The following RRP9 variants were observed in gnomAD, a reference collection of about 807,000 sequenced individuals.
RRP9 encodes the protein ribosomal RNA processing 9, U3 small nucleolar RNA binding protein, also known as U3 small nucleolar RNA-interacting protein 2.
In RRP9, 35 loss-of-function variants were observed where a neutral mutation model predicts 65.5. The observed-to-expected ratio is 0.53, with a 90% CI of 0.41 to 0.71. RRP9 has a LOEUF of 0.71. RRP9 is among the 30% of genes least tolerant of loss of function. The pLI is 0.00. For synonymous variants in RRP9, 254 were observed against 245.0 expected (o/e 1.04, Z -0.34); for missense variants, 533 against 633.6 (o/e 0.84, Z 1.70).
At chr3:51,935,506 G>A (rs1416372148) in intron 9 of RRP9, 30 bp from the exon 10 acceptor site, 5 of 1,613,990 alleles carry the variant, frequency 3.1e-6, no homozygotes, top group Non-Finnish European at 4.2e-6. Context: ...AGGATAGTGG[G>A]GATAGGGGTA....
rs1288640186 is a variant in RRP9 at position 51,935,472 on chromosome 3, C to T, written c.841G>A (p.Gly281Arg). ...AGTGCAGCCACAGCGTCCTGGTGTC[C>T]GAAGCTAGAGGGCCGGGCAGAGCAG... The part of the protein sequence containing the change: ...AENSYVETLF[G>R]HQDAVAALDA... The change falls in exon 10 of 15, where the codon GGA becomes AGA. Residue 281 changes from glycine to arginine, a missense_variant. Around this residue, in one of 3 missense-constraint regions of RRP9, gnomAD observed 449 missense variants for 550.6 expected, o/e 0.82. Coordinates refer to ENST00000232888, the MANE Select transcript of RRP9 (RefSeq NM_004704.5). 6 of 1,614,036 alleles carry T rather than the reference C, an allele frequency of 3.7e-6. No individual in the cohort carries two copies. The highest frequency in any genetic ancestry group is 4.5e-5 in the East Asian group (2 of 44,860).
rs201047033 is a variant in RRP9, at chr3:51,937,310, G to C, written c.399C>G (p.Ala133=). The part of the protein sequence containing the change: ...LQKLVAKEIQ[A]PASADIRVLR... ...AAACGCGAATGTCAGCTGAGGCTGG[G>C]GCCTGGATCTGGGCAGACAGGGGCC... The change falls in exon 6 of 15, where the codon GCC becomes GCG. Residue 133 remains alanine, a synonymous_variant. Coordinates refer to ENST00000232888, the MANE Select transcript of RRP9 (RefSeq NM_004704.5). This position sits in a 1 kb window ranked among gnomAD's most constrained non-coding sequence, Gnocchi z 5.0. 6 of 1,614,118 alleles carry C rather than the reference G, an allele frequency of 3.7e-6. No homozygotes were observed. The East Asian group carries it at 8.9e-5, about 24-fold the overall frequency.
At chr3:51,940,233 GCAA>G (rs1470392513) in intron 2 of RRP9, among the ~76,000 whole-genome samples, 2 of 151,960 alleles carry the variant, frequency 1.3e-5, no homozygotes, top group African/African-American at 4.8e-5. Context: ...TCCAGCCTGG[GCAA>G]CAGAGTGAGA....
chr3:51,935,740 C>T lies in RRP9; in HGVS notation c.736-48G>A, dbSNP rs371501103. 7.0e-5 allele frequency: 105 copies of T among 1,503,864 alleles called. No homozygotes were observed. The Middle Eastern group carries it at 8.5e-4, about 12-fold the overall frequency. 93.2% of individuals were successfully genotyped at this position (1,503,864 alleles called of 1,614,324 possible). On this transcript the variant is annotated intron_variant, in intron 8 of 14. Transcript: ENST00000232888. ...CAAAGGGGACCTGGACTACAGCAGGCGAGAGACAGGTCAGGCCCAGGGAGG... is the reference window on the plus strand; with the variant it reads ...CAAAGGGGACCTGGACTACAGCAGGTGAGAGACAGGTCAGGCCCAGGGAGG...
In RRP9 at chr3:51,934,632, T is replaced by C; in HGVS notation, c.1179A>G (p.Thr393=). 2.5e-6 allele frequency: 4 copies of C among 1,614,038 alleles called. No homozygotes were observed. The highest frequency in any genetic ancestry group is 3.4e-6 in the Non-Finnish European group (4 of 1,179,988). Residue 393 remains threonine (T), a splice_region_variant and synonymous_variant, in exon 12 of 15, where the codon ACA becomes ACG. Coordinates refer to ENST00000232888, the MANE Select transcript of RRP9 (RefSeq NM_004704.5). The surrounding 1 kb of genome is among the most constrained non-coding windows in gnomAD (Gnocchi z 4.1). ...CTCCCTGCCTCTCAGGGCACCCACC[T>C]GTGGCCACAAGGTCTGTGTTGAGGA... is the stretch of plus-strand genomic sequence containing the variant. ...AALLNTDLVA[T]GSHSSCVRLW...
Position 51,935,781 on chromosome 3 carries a change from A to C in RRP9, c.736-89T>G. ...CCCAGGGAGGACTTCCCAAAAAGCA[A>C]GCCATGTGGCACGTGCTGTGAGGCA... On this transcript the variant is annotated intron_variant, in intron 8 of 14. Transcript: ENST00000232888. The C allele has an allele frequency of 2.7e-6, 3 of 1,106,986 alleles. No homozygotes were observed. In the South Asian group the frequency reaches 3.8e-5, roughly 14 times the overall value. The allele number at this position is 1,106,986 out of a possible 1,614,324, so 68.6% of individuals were successfully genotyped here. A position where few individuals can be genotyped will look rare whatever the true frequency, so the allele number is the denominator to read the frequency against.
chr3:51,933,566 C>A lies in RRP9; in HGVS notation c.1368G>T (p.Arg456=). The A allele has an allele frequency of 6.2e-7, 1 of 1,614,094 alleles. No individual in the cohort carries two copies. Among genetic ancestry groups the A allele is most frequent in the East Asian group, 2.2e-5 (1 of 44,874 alleles). The change falls in exon 15 of 15, where the codon CGG becomes CGT. Residue 456 remains arginine (R), a synonymous_variant. Coordinates refer to ENST00000232888, the MANE Select transcript of RRP9 (RefSeq NM_004704.5). The part of the protein sequence containing the change: ...LGRWWRIKEA[R]NSVCIIPLRR... ...GGAGTGGGATGATGCAGACAGAATT[C>A]CGAGCCTCTTTGATTCTCCACCATC...
At position 51,937,960 on chromosome 3, in the gene RRP9, C is replaced by A; in HGVS notation, c.280+135G>T. On this transcript the variant is annotated intron_variant, in intron 3 of 14. Coordinates refer to ENST00000232888, the MANE Select transcript of RRP9 (RefSeq NM_004704.5). The surrounding 1 kb of genome is among the most constrained non-coding windows in gnomAD (Gnocchi z 5.0). ...AGAGCTTCTGGCCACCCCCACAGGG[C>A]AGCCAGCACTGACAGCCTGGGCACC... 1.1e-6 allele frequency: 1 copy of A among 938,652 alleles called. No individual in the cohort carries two copies. The highest frequency in any genetic ancestry group is 1.6e-6 in the Non-Finnish European group (1 of 623,058). The allele number at this position is 938,652 out of a possible 1,614,324, so 58.1% of individuals were successfully genotyped here.
Position 51,937,340 on chromosome 3 carries a change from C to A in RRP9, c.391-22G>T. The A allele has an allele frequency of 6.2e-7, 1 of 1,613,808 alleles. No individual in the cohort carries two copies. The highest frequency in any genetic ancestry group is 1.1e-5 in the South Asian group (1 of 90,978). ...GGATCTGGGCAGACAGGGGCCAGGT[C>A]ACTGTGGCTAGTGGCATAAAGGCAC... On this transcript the variant is annotated intron_variant, in intron 5 of 14. Transcript: ENST00000232888. The surrounding 1 kb of genome is among the most constrained non-coding windows in gnomAD (Gnocchi z 5.0).
In RRP9 at chr3:51,935,587, C is replaced by T; in HGVS notation, c.836+5G>A. On this transcript the variant is annotated splice_donor_5th_base_variant and intron_variant, in intron 9 of 14. Coordinates refer to ENST00000232888, the MANE Select transcript of RRP9 (RefSeq NM_004704.5). ...ATCCACACACCCTCTCCCATCCACA[C>T]TCACAGCGTCTCCACGTAGGAGTTC... 1 of 1,614,162 alleles carries T rather than the reference C, an allele frequency of 6.2e-7. No individual in the cohort carries two copies. Among genetic ancestry groups the T allele is most frequent in the Non-Finnish European group, 8.5e-7 (1 of 1,179,968 alleles).
Position 51,936,353 on chromosome 3 carries a change from C to T in RRP9, c.643-4G>A. 2 of 1,614,198 alleles carry T rather than the reference C, an allele frequency of 1.2e-6. No individual in the cohort carries two copies. Among genetic ancestry groups the T allele is most frequent in the South Asian group, 1.1e-5 (1 of 91,088 alleles). ...GCTTGCTGCGGTCACCAGAGGCCTGCAGGGATGAAGACAATGATCACAGGC... is the reference window on the plus strand; with the variant it reads ...GCTTGCTGCGGTCACCAGAGGCCTGTAGGGATGAAGACAATGATCACAGGC... On this transcript the variant is annotated splice_region_variant and splice_polypyrimidine_tract_variant and intron_variant, in intron 7 of 14. Coordinates refer to ENST00000232888, the MANE Select transcript of RRP9 (RefSeq NM_004704.5).
chr3:51,941,674 G>T, intron 1 of RRP9, 107 bp downstream of exon 1: 1 of 1,173,510 alleles, frequency 8.5e-7, no homozygotes, highest in Non-Finnish European at 1.2e-6. Context: ...TCCAGCAGGG[G>T]TCCAGGGCGA....
At chr3:51,941,693 G>T in intron 1 of RRP9, 88 bp downstream of exon 1, 1 of 1,272,262 alleles carries the variant, frequency 7.9e-7, no homozygotes, top group Non-Finnish European at 1.1e-6. Context: ...GAAGGGCTGG[G>T]GAAGGGCCGG....
chr3:51,940,092 A>G (rs1489000437), intron 2 of RRP9, among the ~76,000 whole-genome samples: 1 of 152,138 alleles, frequency 6.6e-6, no homozygotes, highest in Non-Finnish European at 1.5e-5. Context: ...CTCCATCTCT[A>G]CTAAACATAC....
intron 1 of RRP9, 55 bp downstream of exon 1, chr3:51,941,726 T>A: frequency 6.9e-7 from 1 of 1,455,918 alleles, no homozygotes; most frequent in East Asian, 2.5e-5. Flanking sequence ...CTGGATGGGA[T>A]GACGGTTGTC....
At position 51,933,558 on chromosome 3, in the gene RRP9, A is replaced by T; in HGVS notation, c.1376T>A (p.Val459Asp). 1 of 1,614,090 alleles carries T rather than the reference A, an allele frequency of 6.2e-7. No homozygotes were observed. The highest frequency in any genetic ancestry group is 8.5e-7 in the Non-Finnish European group (1 of 1,179,982). Residue 459 changes from valine (V) to aspartate (D), a missense_variant, in exon 15 of 15, where the codon GTC (valine) becomes GAC (aspartate). This residue lies in a region of RRP9 where 449 missense variants were observed against 550.6 expected (regional missense o/e 0.82). Transcript: ENST00000232888. ...GACCCTGCGGAGTGGGATGATGCAG[A>T]CAGAATTCCGAGCCTCTTTGATTCT... Reference protein sequence around the residue: ...WWRIKEARNSVCIIPLRRVPV... With the variant: ...WWRIKEARNSDCIIPLRRVPV...
In RRP9 at chr3:51,933,766, TG is replaced by T; in HGVS notation, c.1275del (p.Asn425LysfsTer16). 1 of 1,614,150 alleles carries T rather than the reference TG, an allele frequency of 6.2e-7. No homozygotes were observed. The highest frequency in any genetic ancestry group is 8.5e-7 in the Non-Finnish European group (1 of 1,180,018). On this transcript the variant is annotated frameshift_variant, in exon 14 of 15. Transcript: ENST00000232888. LOFTEE classifies it high-confidence loss of function. ...TCCCCAGAGCTGGAGAACTTGAGGC[TG>T]TTGATAAAACCCACCTGAGCAGAAA... is the stretch of plus-strand genomic sequence containing the variant. Reference protein sequence around the residue: ...LCDIPLVGFINSLKFSSSGDF... With the variant: ...LCDIPLVGFIXSLKFSSSGDF...
intron 2 of RRP9, 31 bp from the exon 3 acceptor site, chr3:51,938,235 G>A (rs568938677): frequency 1.4e-4 from 214 of 1,489,730 alleles, no homozygotes; most frequent in Non-Finnish European, 1.7e-4. Flanking sequence ...GGTCTGAGGG[G>A]CTCACCTTGT....
At chr3:51,940,968 T>C (rs1449011719) in intron 2 of RRP9, among the ~76,000 whole-genome samples, 1 of 152,136 alleles carries the variant, frequency 6.6e-6, no homozygotes, top group Non-Finnish European at 1.5e-5. Context: ...CACACAACTA[T>C]AAAATACACA....
Sources: gnomAD v4.1 joint callset for allele counts (sites outside exome capture counted in the v4.1 genomes callset) on GRCh38, gnomAD v4.1.1 for gene constraint, gnomAD v4.1.1 regional missense constraint, Gnocchi (gnomAD v3.1) non-coding constraint, MANE v1.5 for transcripts, NCBI Gene and HGNC (gene_info 2026-07-23, HGNC 2026-07-21) for gene names.